PCDH7: variants seen among roughly 807,000 people sequenced by gnomAD.
The protein encoded by PCDH7 is protocadherin-7.
Under a neutral mutation model 58.9 loss-of-function variants are expected in PCDH7, and 17 were observed. The observed-to-expected ratio is 0.29, with a 90% confidence interval of 0.20 to 0.43. The LOEUF (loss-of-function observed/expected upper bound fraction) is 0.43. PCDH7 is among the 20% of genes least tolerant of loss of function. The probability of loss-of-function intolerance (pLI) is 1.00; values close to 1 mark genes in which losing one functional copy is unlikely to be tolerated. For synonymous variants in PCDH7, 664 were observed against 616.4 expected, an observed-to-expected ratio of 1.08 and a Z score of -1.14; for missense variants, 1,274 against 1,441.0, an observed-to-expected ratio of 0.88 and a Z score of 1.88.
chr4:30,969,958 C>T (rs1303818981), intron 3 of PCDH7, among the ~76,000 whole-genome samples: 1 of 152,134 alleles, frequency 6.6e-6, no homozygotes, highest in Non-Finnish European at 1.5e-5. Flanking sequence ...GTGTACCAGA[C>T]ATTGCTGCTT....
intron 1 of PCDH7, among the ~76,000 whole-genome samples, chr4:30,819,183 T>G (rs1728046842): frequency 6.6e-6 from 1 of 152,142 alleles, no homozygotes; most frequent in African/African-American, 2.4e-5. Flanking sequence ...TTTCCCATCA[T>G]ATGTATGAAG....
At chr4:31,053,558 G>A (rs574284722) in intron 3 of PCDH7, among the ~76,000 whole-genome samples, 6 of 152,160 alleles carry the variant, frequency 3.9e-5, no homozygotes, top group Admixed American at 2.0e-4. Context: ...AACACAGTGA[G>A]ATCCTGTCCC....
intron 1 of PCDH7, among the ~76,000 whole-genome samples, chr4:30,899,256 T>C (rs1220014219): frequency 6.6e-6 from 1 of 152,186 alleles, no homozygotes; most frequent in Non-Finnish European, 1.5e-5. Flanking sequence ...ACATTGAATA[T>C]ACCAAAGTTC....
At chr4:31,090,680 C>G (rs938827168) in intron 3 of PCDH7, among the ~76,000 whole-genome samples, 2 of 152,002 alleles carry the variant, frequency 1.3e-5, no homozygotes, top group Admixed American at 1.3e-4. Flanking sequence ...ATTTTTCTTC[C>G]TCTATAACTC....
chr4:31,033,505 A>G (rs1368215446), intron 3 of PCDH7, among the ~76,000 whole-genome samples: 8 of 152,212 alleles, frequency 5.3e-5, no homozygotes, highest in Non-Finnish European at 1.2e-4. Context: ...TCAACATGCT[A>G]ACTCCAATTG....
intron 3 of PCDH7, among the ~76,000 whole-genome samples, chr4:31,074,485 T>C (rs952743314): frequency 1.3e-5 from 2 of 151,948 alleles, no homozygotes; most frequent in Admixed American, 1.3e-4. Context: ...GACATTTGTT[T>C]GGTTAAAAGT....
chr4:30,791,108 A>T (rs1724070665), intron 1 of PCDH7, among the ~76,000 whole-genome samples: 1 of 152,130 alleles, frequency 6.6e-6, no homozygotes, highest in Non-Finnish European at 1.5e-5. Context: ...TGGAACCTAG[A>T]TGGAATGAGG....
At chr4:31,145,143 A>G (rs1316382299), downstream of PCDH7, 5 of 151,938 alleles carry the variant, frequency 3.3e-5, no homozygotes, top group Non-Finnish European at 5.9e-5. Flanking sequence ...TCTCTTGTCT[A>G]TAAAACTAAT....
intron 1 of PCDH7, among the ~76,000 whole-genome samples, chr4:30,789,042 G>A (rs185094870): frequency 5.9e-5 from 9 of 152,218 alleles, no homozygotes; most frequent in Non-Finnish European, 1.0e-4. Flanking sequence ...CCAAGGGACA[G>A]TATGAATTGA....
At chr4:30,876,507 G>T (rs1249073575) in intron 1 of PCDH7, among the ~76,000 whole-genome samples, 4 of 151,966 alleles carry the variant, frequency 2.6e-5, no homozygotes, top group African/African-American at 9.7e-5. Flanking sequence ...CATTATACGT[G>T]ATTCATTTGG....
At chr4:30,788,207 T>C (rs2109296048) in intron 1 of PCDH7, among the ~76,000 whole-genome samples, 1 of 152,232 alleles carries the variant, frequency 6.6e-6, no homozygotes, top group Non-Finnish European at 1.5e-5. Context: ...TTTCCCCCAC[T>C]TTTCTTCAAC....
At chr4:31,045,811 T>C (rs1433975040) in intron 3 of PCDH7, among the ~76,000 whole-genome samples, 1 of 151,946 alleles carries the variant, frequency 6.6e-6, no homozygotes, top group Non-Finnish European at 1.5e-5. Context: ...GTTCTTTCAT[T>C]GCACTTGTAT....
At chr4:30,784,805 A>T (rs142934430) in intron 1 of PCDH7, among the ~76,000 whole-genome samples, 1,747 of 152,114 alleles carry the variant, frequency 0.011, 27 homozygotes, top group African/African-American at 0.04. Flanking sequence ...AAGGGGCAAA[A>T]TGGGGATGTT....
At chr4:30,730,651 C>A in intron 1 of PCDH7, 3 of 790,798 alleles carry the variant, frequency 3.8e-6, no homozygotes, top group Admixed American at 2.8e-5. Flanking sequence ...TTCTTAGCTC[C>A]GAAATCTCTA....
At chr4:30,964,310 C>T (rs1166679863) in intron 3 of PCDH7, among the ~76,000 whole-genome samples, 4 of 150,830 alleles carry the variant, frequency 2.7e-5, no homozygotes, top group Non-Finnish European at 5.9e-5. Flanking sequence ...GGCCTGATCT[C>T]GGCTCACTGC....
At chr4:31,042,216 C>T (rs1015745338) in intron 3 of PCDH7, among the ~76,000 whole-genome samples, 4 of 151,970 alleles carry the variant, frequency 2.6e-5, no homozygotes, top group Non-Finnish European at 4.4e-5. Flanking sequence ...TTCTCTCATC[C>T]CTGTTTTCTA....
intron 1 of PCDH7, among the ~76,000 whole-genome samples, chr4:30,861,024 T>A (rs1228726681): frequency 6.6e-6 from 1 of 152,188 alleles, no homozygotes; most frequent in African/African-American, 2.4e-5. Context: ...GCATGGACAT[T>A]TGCAGTTTAT....
At chr4:31,020,628 C>T (rs1471405703) in intron 3 of PCDH7, among the ~76,000 whole-genome samples, 2 of 152,182 alleles carry the variant, frequency 1.3e-5, no homozygotes, top group South Asian at 2.1e-4. Flanking sequence ...TACTTCAGGA[C>T]CTGTGTGCAG....
chr4:30,908,074 G>GAAC (rs1414108283), intron 1 of PCDH7, among the ~76,000 whole-genome samples: 2 of 151,978 alleles, frequency 1.3e-5, no homozygotes, highest in Admixed American at 1.3e-4. Flanking sequence ...ACAGGGCAGG[G>GAAC]AACACCACAC....
Sources: gnomAD v4.1 joint callset for allele counts (sites outside exome capture counted in the v4.1 genomes callset) on GRCh38, gnomAD v4.1.1 for gene constraint, MANE v1.5 for transcripts, NCBI Gene and HGNC (gene_info 2026-07-23, HGNC 2026-07-21) for gene names.